CACNA1E: variants seen among roughly 807,000 people sequenced by gnomAD.
The protein encoded by CACNA1E is calcium voltage-gated channel subunit alpha1 E.
In CACNA1E, 40 loss-of-function variants were observed where a neutral mutation model predicts 259.2. That is an observed-to-expected ratio of 0.15 (90% CI 0.12 to 0.20). CACNA1E has a LOEUF of 0.20. Ranked by LOEUF, CACNA1E falls within the 10% of genes least tolerant of loss-of-function variation. The probability of loss-of-function intolerance (pLI) is 1.00; values close to 1 mark genes in which losing one functional copy is unlikely to be tolerated. For synonymous variants in CACNA1E, 1,104 were observed against 1,138.5 expected (o/e 0.97, Z 0.61); for missense variants, 1,874 against 3,040.1 (o/e 0.62, Z 9.02).
intron 3 of CACNA1E, among the ~76,000 whole-genome samples, chr1:181,575,432 T>TC (rs1198035776): frequency 2.0e-5 from 3 of 152,194 alleles, no homozygotes; most frequent in Non-Finnish European, 2.9e-5. Context: ...CATTTGCTTC[T>TC]CCCCCCAGTT....
intron 6 of CACNA1E, among the ~76,000 whole-genome samples, chr1:181,606,065 GCTT>G (rs532251508): frequency 2.2e-4 from 34 of 152,054 alleles, no homozygotes; most frequent in African/African-American, 7.2e-4. Context: ...CTTTCTGGTT[GCTT>G]CTTCTCCTTT....
rs957401023 is a variant in CACNA1E at position 181,505,749 on chromosome 1, G to A, written c.267-4728G>A. ...ATTTTCTTTTTTAAATAGGTCATGT[G>A]TGTCTACAGTGGACAGTATAAAAAG... On this transcript the variant is annotated intron_variant, in intron 1 of 47. Transcript: ENST00000367573. Among the ~76,000 whole-genome samples, 7 of 152,048 alleles carry A rather than the reference G, an allele frequency of 4.6e-5. 1 individual carries two copies. The highest frequency in any genetic ancestry group is 3.3e-4 in the Admixed American group (5 of 15,266).
chr1:181,761,595 A>T (rs1476992198), intron 32 of CACNA1E, among the ~76,000 whole-genome samples: 1 of 151,948 alleles, frequency 6.6e-6, no homozygotes, highest in Non-Finnish European at 1.5e-5. Flanking sequence ...GGTGTTTGAA[A>T]TTTTCTCCTC....
At chr1:181,560,640 C>T (rs1166984155) in intron 3 of CACNA1E, among the ~76,000 whole-genome samples, 1 of 152,186 alleles carries the variant, frequency 6.6e-6, no homozygotes. Flanking sequence ...ACCAGTATGG[C>T]AGTTCCTCAA....
intron 2 of CACNA1E, among the ~76,000 whole-genome samples, chr1:181,418,754 T>C (rs1278475328): frequency 6.6e-6 from 1 of 152,058 alleles, no homozygotes; most frequent in African/African-American, 2.4e-5. Context: ...CAATCCCCAG[T>C]GTCTCCCCCC....
Position 181,440,967 on chromosome 1 carries a change from C to T in CACNA1E, c.434+27387C>T, listed in dbSNP as rs555905314. Among the ~76,000 whole-genome samples the T allele has an allele frequency of 3.5e-5, 4 of 115,706 alleles. 1 individual carries two copies. In the South Asian group the frequency reaches 8.8e-4, roughly 25 times the overall value. 75.9% of individuals were successfully genotyped at this position (115,706 alleles called of 152,430 possible). On this transcript the variant is annotated intron_variant, in intron 2 of 11. Coordinates refer to the CACNA1E transcript ENST00000524607. Reference sequence around the variant, plus strand: ...TTGCACTCCAGCCTGGGTGAGAGAGCGAGACGACCTTGTTTCAAAAAAAAA... The same window carrying T: ...TTGCACTCCAGCCTGGGTGAGAGAGTGAGACGACCTTGTTTCAAAAAAAAA...
chr1:181,481,366 ACACACT>A (rs1408887648), upstream of CACNA1E, among the ~76,000 whole-genome samples: 12 of 151,204 alleles, frequency 7.9e-5, no homozygotes, highest in African/African-American at 2.7e-4. Flanking sequence ...ACACACACAC[ACACACT>A]CTCACATACA....
Position 181,342,937 on chromosome 1 carries a change from G to A in CACNA1E, c.-15+24814G>A, listed in dbSNP as rs183910529. Among the ~76,000 whole-genome samples the A allele has an allele frequency of 2.3e-3, 356 of 152,204 alleles. 1 individual carries two copies. The highest frequency in any genetic ancestry group is 7.4e-3 in the African/African-American group (307 of 41,540). On this transcript the variant is annotated intron_variant, in intron 1 of 11. Transcript: ENST00000524607. ...AGAAACCTCACTTTGGCTGCTGTGT[G>A]ACAAATGGGTGGCAGGGCATCAAGA...
chr1:181,328,155 G>C (rs1378002773), intron 1 of CACNA1E, among the ~76,000 whole-genome samples: 1 of 152,172 alleles, frequency 6.6e-6, no homozygotes, highest in Non-Finnish European at 1.5e-5. Flanking sequence ...CTGGAGGCTG[G>C]GAAGTCTGAT....
At chr1:181,508,041 G>C (rs1003938974) in intron 1 of CACNA1E, among the ~76,000 whole-genome samples, 3 of 152,062 alleles carry the variant, frequency 2.0e-5, no homozygotes, top group Non-Finnish European at 4.4e-5. Flanking sequence ...TTTGTGTCAG[G>C]CTGCCCAGGT....
Position 181,483,629 on chromosome 1 carries a change from TC to T in CACNA1E, c.-112del. 1 of 625,304 alleles carries T rather than the reference TC, an allele frequency of 1.6e-6. No individual in the cohort carries two copies. Among genetic ancestry groups the T allele is most frequent in the East Asian group, 3.0e-5 (1 of 32,854 alleles). The allele number at this position is 625,304 out of a possible 1,614,324, so 38.7% of individuals were successfully genotyped here. On this transcript the variant is annotated 5_prime_UTR_variant, in exon 1 of 48. Coordinates refer to ENST00000367573, the MANE Select transcript of CACNA1E (RefSeq NM_001205293.3). Reference sequence around the variant, plus strand: ...TCGCGGAGCTCCCCAGAGGCGGTGGTCCCCGTGCTTGTCTGGATGCGGCTCT... The same window carrying T: ...TCGCGGAGCTCCCCAGAGGCGGTGGTCCCGTGCTTGTCTGGATGCGGCTCT...
intron 6 of CACNA1E, among the ~76,000 whole-genome samples, chr1:181,581,604 A>C (rs1030967005): frequency 1.3e-5 from 2 of 152,194 alleles, no homozygotes; most frequent in Non-Finnish European, 2.9e-5. Flanking sequence ...TAGGGTGATC[A>C]TGAAGTCTCT....
intron 6 of CACNA1E, among the ~76,000 whole-genome samples, chr1:181,627,286 C>A (rs1239069067): frequency 6.6e-6 from 1 of 152,084 alleles, no homozygotes; most frequent in South Asian, 2.1e-4. Flanking sequence ...GTTCACAGAG[C>A]AAGATGTTTC....
intron 1 of CACNA1E, among the ~76,000 whole-genome samples, chr1:181,366,595 G>A (rs1654283476): frequency 6.6e-6 from 1 of 152,168 alleles, no homozygotes; most frequent in African/African-American, 2.4e-5. Context: ...AAGGGCTGCT[G>A]TAGGAGGGGA....
chr1:181,596,475 T>C (rs1653172559), intron 6 of CACNA1E, among the ~76,000 whole-genome samples: 2 of 150,570 alleles, frequency 1.3e-5, no homozygotes, highest in South Asian at 4.2e-4. Context: ...AAGAACGTCG[T>C]TGGGGCATTT....
intron 7 of CACNA1E, among the ~76,000 whole-genome samples, chr1:181,710,141 T>C (rs879890572): frequency 2.6e-4 from 39 of 152,116 alleles, no homozygotes; most frequent in Non-Finnish European, 4.9e-4. Context: ...CTCTATCTTC[T>C]TCCTGACCCT....
chr1:181,672,616 C>T (rs1185957531), intron 7 of CACNA1E, among the ~76,000 whole-genome samples: 1 of 152,206 alleles, frequency 6.6e-6, no homozygotes, highest in Non-Finnish European at 1.5e-5. Flanking sequence ...GACTGTCTGG[C>T]TCCAGAGAGG....
At chr1:181,531,424 C>G (rs539829040) in intron 3 of CACNA1E, among the ~76,000 whole-genome samples, 1 of 152,044 alleles carries the variant, frequency 6.6e-6, no homozygotes, top group African/African-American at 2.4e-5. Flanking sequence ...AGATTGAGGG[C>G]GGGGGTCATG....
intron 7 of CACNA1E, among the ~76,000 whole-genome samples, chr1:181,677,608 G>T (rs1649509940): frequency 6.6e-6 from 1 of 152,174 alleles, no homozygotes; most frequent in African/African-American, 2.4e-5. Flanking sequence ...TATGAAACCT[G>T]GTCCTTTGTC....
Sources: allele counts gnomAD v4.1 joint callset (sites outside exome capture counted in the v4.1 genomes callset), GRCh38; gene constraint gnomAD v4.1.1; transcripts MANE v1.5; gene names NCBI Gene and HGNC (gene_info 2026-07-23, HGNC 2026-07-21).